The following ABHD17B variants were observed in gnomAD, a reference collection of about 807,000 sequenced individuals.
The protein encoded by ABHD17B is alpha/beta hydrolase domain-containing protein 17B.
A neutral mutation model predicts 26.2 loss-of-function variants in ABHD17B; 9 were observed. The ratio of observed to expected loss-of-function variants is 0.34; its 90% CI spans 0.21 to 0.60. The LOEUF is 0.60. ABHD17B is among the 20% of genes least tolerant of loss of function. The pLI is 0.80. For synonymous variants in ABHD17B, 127 were observed against 122.3 expected, an observed-to-expected ratio of 1.04 and a Z score of -0.25; for missense variants, 224 against 352.1, an observed-to-expected ratio of 0.64 and a Z score of 2.91.
chr9:71,887,115 G>A (rs1826634312), intron 1 of ABHD17B, among the ~76,000 whole-genome samples: 2 of 151,854 alleles, frequency 1.3e-5, no homozygotes, highest in African/African-American at 2.4e-5. Context: ...AAATTTAGAG[G>A]AGTTTCTCAA....
chr9:71,868,940 C>T (rs1424554138), intron 3 of ABHD17B, among the ~76,000 whole-genome samples: 5 of 152,152 alleles, frequency 3.3e-5, no homozygotes, highest in East Asian at 1.9e-4. Flanking sequence ...CCACCCGCCA[C>T]GGCCTCCAAA....
intron 1 of ABHD17B, among the ~76,000 whole-genome samples, chr9:71,888,484 C>T (rs962319047): frequency 1.3e-5 from 2 of 152,166 alleles, no homozygotes; most frequent in African/African-American, 4.8e-5. Flanking sequence ...CCCTGAGAAA[C>T]TTTTCAGGTG....
At position 71,910,661 on chromosome 9, in the gene ABHD17B, G is replaced by C. The variant is rs1361195020; in HGVS notation, c.-31C>G. The C allele has an allele frequency of 2.0e-5, 3 of 152,178 alleles. No individual in the cohort carries two copies. Among genetic ancestry groups the C allele is most frequent in the African/African-American group, 7.2e-5 (3 of 41,442 alleles). 9.4% of individuals were successfully genotyped at this position (152,178 alleles called of 1,614,324 possible). A position where few individuals can be genotyped will look rare whatever the true frequency, so the allele number is the denominator to read the frequency against. On this transcript the variant is annotated 5_prime_UTR_variant, in exon 1 of 4. Coordinates refer to ENST00000333421, the MANE Select transcript of ABHD17B (RefSeq NM_001025780.3). Reference sequence around the variant, plus strand: ...GCACCTGAGCGGCCCGGGCCGAAGCGCCGGGCAGAAGGGGTCGAGAGAGAA... The same window carrying C: ...GCACCTGAGCGGCCCGGGCCGAAGCCCCGGGCAGAAGGGGTCGAGAGAGAA...
intron 3 of ABHD17B, among the ~76,000 whole-genome samples, chr9:71,868,719 C>T (rs1328049004): frequency 2.0e-5 from 3 of 152,148 alleles, no homozygotes; most frequent in African/African-American, 2.4e-5. Flanking sequence ...GACAGGGTCT[C>T]GCTCTGTCGC....
downstream of ABHD17B, among the ~76,000 whole-genome samples, chr9:71,863,602 T>C (rs141030917): frequency 1.4e-4 from 22 of 152,366 alleles, no homozygotes; most frequent in Non-Finnish European, 2.9e-5. Flanking sequence ...CTGTGACACC[T>C]ATGACAGATG....
In ABHD17B at chr9:71,865,709, A is replaced by G. The variant is rs1445613396; in HGVS notation, c.*1078T>C. On this transcript the variant is annotated 3_prime_UTR_variant, in exon 4 of 4. Coordinates refer to ENST00000333421, the MANE Select transcript of ABHD17B (RefSeq NM_001025780.3). ...AACCCTGTCTCTACTAAAAATACAA[A>G]AATTAGCCAGGCGTGGTGGCAAGCA... 1.6e-6 allele frequency: 1 copy of G among 634,668 alleles called. No homozygotes were observed. Among genetic ancestry groups the G allele is most frequent in the East Asian group, 1.4e-4 (1 of 7,200 alleles). 39.3% of individuals were successfully genotyped at this position (634,668 alleles called of 1,614,324 possible).
intron 1 of ABHD17B, among the ~76,000 whole-genome samples, chr9:71,883,126 G>T (rs1826500249): frequency 6.6e-6 from 1 of 152,172 alleles, no homozygotes; most frequent in Non-Finnish European, 1.5e-5. Context: ...CTGGGCGACA[G>T]GGCGAGACTC....
At chr9:71,863,872 C>T (rs1825885826), downstream of ABHD17B, among the ~76,000 whole-genome samples, 1 of 152,120 alleles carries the variant, frequency 6.6e-6, no homozygotes, top group Admixed American at 6.5e-5. Context: ...GTACCTTTTC[C>T]AACTTGGCAA....
intron 1 of ABHD17B, among the ~76,000 whole-genome samples, chr9:71,876,670 G>A (rs1421799306): frequency 2.6e-5 from 4 of 150,958 alleles, no homozygotes; most frequent in South Asian, 2.1e-4. Context: ...CACCAAAAAT[G>A]GGAAGAAAAC....
Position 71,865,277 on chromosome 9 carries a change from C to T in ABHD17B, c.*1510G>A. 1 of 985,644 alleles carries T rather than the reference C, an allele frequency of 1.0e-6. No individual in the cohort carries two copies. The highest frequency in any genetic ancestry group is 1.1e-4 in the East Asian group (1 of 8,812). The allele number at this position is 985,644 out of a possible 1,614,324, so 61.1% of individuals were successfully genotyped here. A position where few individuals can be genotyped will look rare whatever the true frequency, so the allele number is the denominator to read the frequency against. The stretch of plus-strand genomic sequence containing the variant: ...AAACATAACCACGGAACGAGCAGAA[C>T]AATTAAAACTACATAAGGCCTTAAA... On this transcript the variant is annotated 3_prime_UTR_variant, in exon 4 of 4. Transcript: ENST00000333421.
chr9:71,878,958 C>T (rs1826360452), intron 1 of ABHD17B, among the ~76,000 whole-genome samples: 1 of 152,132 alleles, frequency 6.6e-6, no homozygotes, highest in Admixed American at 6.6e-5. Context: ...GAATTGAAAA[C>T]CAGCCTGAGC....
chr9:71,865,912 T>C lies in ABHD17B; in HGVS notation c.*875A>G. ...AAAAGGGATCTGATAGCCAGTCTGT[T>C]AGTGGTCTTTAAGATCAACTCATGG... is the stretch of plus-strand genomic sequence containing the variant. On this transcript the variant is annotated 3_prime_UTR_variant, in exon 4 of 4. Transcript: ENST00000333421. 1.0e-6 allele frequency: 1 copy of C among 985,416 alleles called. No homozygotes were observed. Among genetic ancestry groups the C allele is most frequent in the South Asian group, 4.7e-5 (1 of 21,288 alleles). 61.0% of individuals were successfully genotyped at this position (985,416 alleles called of 1,614,324 possible). A position where few individuals can be genotyped will look rare whatever the true frequency, so the allele number is the denominator to read the frequency against.
chr9:71,863,992 T>C (rs181407164), downstream of ABHD17B, among the ~76,000 whole-genome samples: 26 of 152,286 alleles, frequency 1.7e-4, no homozygotes, highest in Admixed American at 1.6e-3. Context: ...TTTCCCATGA[T>C]GTATTTTTCA....
intron 1 of ABHD17B, among the ~76,000 whole-genome samples, chr9:71,903,827 C>G (rs931351819): frequency 4.6e-5 from 7 of 152,146 alleles, no homozygotes; most frequent in African/African-American, 1.7e-4. Context: ...AAATAAAGTA[C>G]AGAGTGCTAT....
chr9:71,869,328 C>G (rs1278539522), intron 3 of ABHD17B, among the ~76,000 whole-genome samples: 1 of 152,120 alleles, frequency 6.6e-6, no homozygotes, highest in African/African-American at 2.4e-5. Flanking sequence ...ATGACTTTGC[C>G]TTTGGCCCAT....
In ABHD17B at chr9:71,875,074, T is replaced by C; in HGVS notation, c.7A>G (p.Asn3Asp). 1 of 1,603,212 alleles carries C rather than the reference T, an allele frequency of 6.2e-7. No homozygotes were observed. Among genetic ancestry groups the C allele is most frequent in the South Asian group, 1.1e-5 (1 of 90,952 alleles). The change falls in exon 2 of 4, where the codon AAT (asparagine) becomes GAT (aspartate). Residue 3 changes from asparagine to aspartate, a missense_variant. Asn to Asp is a conservative substitution (Grantham distance 23). Transcript: ENST00000333421. The part of the protein sequence containing the change: MN[N>D]LSFSELCCLF... ...CAACATAGCTCACTAAATGAAAGATTATTCATGCTCTGAAAAAGAAAAGGA... is the reference window on the plus strand; with the variant it reads ...CAACATAGCTCACTAAATGAAAGATCATTCATGCTCTGAAAAAGAAAAGGA...
At chr9:71,888,039 T>TA (rs1033173712) in intron 1 of ABHD17B, among the ~76,000 whole-genome samples, 3 of 152,156 alleles carry the variant, frequency 2.0e-5, no homozygotes, top group African/African-American at 4.8e-5. Flanking sequence ...TGAGAAAGTG[T>TA]AAAAAACACT....
downstream of ABHD17B, chr9:71,862,463 A>G (rs984501845): frequency 1.7e-6 from 2 of 1,194,056 alleles, no homozygotes; most frequent in Non-Finnish European, 2.2e-6. Flanking sequence ...TGGAGAGCAA[A>G]TAAGTTTATG....
At chr9:71,902,615 T>G (rs1210116811) in intron 1 of ABHD17B, 1 of 152,188 alleles carries the variant, frequency 6.6e-6, no homozygotes, top group Non-Finnish European at 1.5e-5. Context: ...AAAATGTAAC[T>G]TGTAGTGTTT....
Sources: gnomAD v4.1 joint callset for allele counts (sites outside exome capture counted in the v4.1 genomes callset) on GRCh38, gnomAD v4.1.1 for gene constraint, MANE v1.5 for transcripts, NCBI Gene and HGNC (gene_info 2026-07-23, HGNC 2026-07-21) for gene names.